ZNF746: variants seen among roughly 807,000 people sequenced by gnomAD.
ZNF746 encodes zinc finger protein 746.
Under a neutral mutation model 41.0 loss-of-function variants are expected in ZNF746, and 13 were observed. That is an observed-to-expected ratio of 0.32 (90% CI 0.21 to 0.50). The LOEUF is 0.50. Among genes scored for constraint, ZNF746 ranks in the 20% least tolerant of loss-of-function variants. ZNF746 has a pLI of 0.98. For missense variants in ZNF746, 811 were observed against 922.9 expected (o/e 0.88, Z 1.57); for synonymous variants, 424 against 396.2 (o/e 1.07, Z -0.83).
In ZNF746 at chr7:149,474,723, G is replaced by A; in HGVS notation, c.1644C>T (p.His548=). 3 of 1,611,458 alleles carry A rather than the reference G, an allele frequency of 1.9e-6. No homozygotes were observed. Among genetic ancestry groups the A allele is most frequent in the Non-Finnish European group, 2.5e-6 (3 of 1,179,480 alleles). ...PAHLIRHRML[H]TGERPFPCTE... is the part of the protein sequence containing the mutation. ...TGCAGGGGAAGGGCCGCTCGCCGGT[G>A]TGCAGCATGCGATGGCGGATGAGGT... Residue 548 remains histidine (H), a synonymous_variant, in exon 7 of 7, where the codon CAC becomes CAT. Transcript: ENST00000458143. The surrounding 1 kb of genome is among the most constrained non-coding windows in gnomAD (Gnocchi z 6.3).
chr7:149,497,245 G>A lies in ZNF746; in HGVS notation c.24+268C>T, dbSNP rs1217425752. On this transcript the variant is annotated intron_variant, in intron 1 of 6. Transcript: ENST00000458143. This position sits in a 1 kb window ranked among gnomAD's most constrained non-coding sequence, Gnocchi z 4.2. ...ACAGCGGCTGGGGCGGGGGCAGGAAGCCCCGGAGGGCCCAAAGAACTTGGC... is the reference window on the plus strand; with the variant it reads ...ACAGCGGCTGGGGCGGGGGCAGGAAACCCCGGAGGGCCCAAAGAACTTGGC... 9.8e-5 allele frequency: 96 copies of A among 984,196 alleles called. No individual in the cohort carries two copies. The highest frequency in any genetic ancestry group is 1.1e-4 in the Non-Finnish European group (94 of 828,974). 61.0% of individuals were successfully genotyped at this position (984,196 alleles called of 1,614,324 possible).
In ZNF746 at chr7:149,474,927, C is replaced by T. The variant is rs1235988287; in HGVS notation, c.1440G>A (p.Leu480=). 6.5e-7 allele frequency: 1 copy of T among 1,542,026 alleles called. No individual in the cohort carries two copies. Residue 480 remains leucine (L), a synonymous_variant, in exon 7 of 7, where the codon CTG becomes CTA. Coordinates refer to ENST00000458143, the MANE Select transcript of ZNF746 (RefSeq NM_001394198.1). The surrounding 1 kb of genome is among the most constrained non-coding windows in gnomAD (Gnocchi z 6.3). Reference sequence around the variant, plus strand: ...GCTGGTGCGCGCTCAGGCTGACTTGCAGCTGGAAGCTCTTCCCACACGTGG... The same window carrying T: ...GCTGGTGCGCGCTCAGGCTGACTTGTAGCTGGAAGCTCTTCCCACACGTGG... The part of the protein sequence containing the change: ...TCATCGKSFQ[L]QVSLSAHQRS...
Position 149,497,435 on chromosome 7 carries a change from C to A in ZNF746, c.24+78G>T. On this transcript the variant is annotated intron_variant, in intron 1 of 6. Coordinates refer to ENST00000458143, the MANE Select transcript of ZNF746 (RefSeq NM_001394198.1). This position sits in a 1 kb window ranked among gnomAD's most constrained non-coding sequence, Gnocchi z 4.2. ...CGGACCCCGGAACCCCTCCCCAGGG[C>A]CTGCGGCGCCGTGTGCCGGGGCCGG... The A allele has an allele frequency of 9.5e-7, 1 of 1,048,056 alleles. No individual in the cohort carries two copies. Among genetic ancestry groups the A allele is most frequent in the Non-Finnish European group, 1.1e-6 (1 of 870,518 alleles). 64.9% of individuals were successfully genotyped at this position (1,048,056 alleles called of 1,614,324 possible). A position where few individuals can be genotyped will look rare whatever the true frequency, so the allele number is the denominator to read the frequency against.
rs1019899505 is a variant in ZNF746, at chr7:149,472,894, G to A, written c.*1490C>T. The A allele has an allele frequency of 2.0e-5, 3 of 152,566 alleles. No homozygotes were observed. The highest frequency in any genetic ancestry group is 3.8e-4 in the East Asian group (2 of 5,200). 9.5% of individuals were successfully genotyped at this position (152,566 alleles called of 1,614,324 possible). Reference sequence around the variant, plus strand: ...AGTGTAAACAGGTACAAAATATACAGTACATAGAAACAATTTTCTTAACTA... The same window carrying A: ...AGTGTAAACAGGTACAAAATATACAATACATAGAAACAATTTTCTTAACTA... On this transcript the variant is annotated 3_prime_UTR_variant, in exon 7 of 7. Coordinates refer to ENST00000458143, the MANE Select transcript of ZNF746 (RefSeq NM_001394198.1).
At chr7:149,490,286 C>G (rs925563108) in intron 4 of ZNF746, 11 of 152,226 alleles carry the variant, frequency 7.2e-5, no homozygotes, top group African/African-American at 2.7e-4. Context: ...GTTTGCTGGC[C>G]CCTGGGCTAA....
chr7:149,488,781 G>A (rs1003876072), intron 4 of ZNF746: 2 of 152,344 alleles, frequency 1.3e-5, no homozygotes, highest in African/African-American at 2.4e-5. Flanking sequence ...CGGAAGAGAT[G>A]AAATCAAGCC....
rs1204111063 is a variant in ZNF746 at position 149,494,741 on chromosome 7, G to A, written c.25-238C>T. Among the ~76,000 whole-genome samples, 3 of 151,540 alleles carry A rather than the reference G, an allele frequency of 2.0e-5. No individual in the cohort carries two copies. The highest frequency in any genetic ancestry group is 2.9e-5 in the Non-Finnish European group (2 of 67,922). On this transcript the variant is annotated intron_variant, in intron 1 of 6. Coordinates refer to ENST00000458143, the MANE Select transcript of ZNF746 (RefSeq NM_001394198.1). This position sits in a 1 kb window ranked among gnomAD's most constrained non-coding sequence, Gnocchi z 5.6. ...GCAGCACAATGCAGACCCTTATCAC[G>A]GTGCTTATCACCCTACACAATAATT...
chr7:149,474,292 C>G lies in ZNF746; in HGVS notation c.*92G>C, dbSNP rs1389828980. On this transcript the variant is annotated 3_prime_UTR_variant, in exon 7 of 7. Coordinates refer to ENST00000458143, the MANE Select transcript of ZNF746 (RefSeq NM_001394198.1). This position sits in a 1 kb window ranked among gnomAD's most constrained non-coding sequence, Gnocchi z 6.3. ...ACTTGGACATTTGGTTCTCCCCGTC[C>G]CGCGTCTGCCTGAAGCTTCCACGCC... 2.8e-6 allele frequency: 4 copies of G among 1,439,124 alleles called. No individual in the cohort carries two copies. Among genetic ancestry groups the G allele is most frequent in the Non-Finnish European group, 2.8e-6 (3 of 1,058,860 alleles). 89.1% of individuals were successfully genotyped at this position (1,439,124 alleles called of 1,614,324 possible). A position where few individuals can be genotyped will look rare whatever the true frequency, so the allele number is the denominator to read the frequency against.
rs1471671471 is a variant in ZNF746 at position 149,475,007 on chromosome 7, G to A, written c.1360C>T (p.Pro454Ser). Residue 454 changes from proline to serine, a missense_variant, in exon 7 of 7, where the codon CCA becomes TCA. Around this residue, in one of 4 missense-constraint regions of ZNF746, gnomAD observed 495 missense variants for 481.6 expected, o/e 1.03. Coordinates refer to ENST00000458143, the MANE Select transcript of ZNF746 (RefSeq NM_001394198.1). The part of the protein sequence containing the change: ...PGRTKGFGHK[P>S]GLKKHPAAPP... Reference sequence around the variant, plus strand: ...GCCGCGGGGTGCTTCTTCAGCCCTGGCTTGTGGCCAAAGCCTTTGGTCCGG... The same window carrying A: ...GCCGCGGGGTGCTTCTTCAGCCCTGACTTGTGGCCAAAGCCTTTGGTCCGG... The A allele has an allele frequency of 2.6e-6, 4 of 1,550,782 alleles. No individual in the cohort carries two copies. The highest frequency in any genetic ancestry group is 3.5e-6 in the Non-Finnish European group (4 of 1,147,510).
chr7:149,476,199 A>G (rs915387931), intron 6 of ZNF746, among the ~76,000 whole-genome samples: 1 of 151,486 alleles, frequency 6.6e-6, no homozygotes, highest in African/African-American at 2.4e-5. Flanking sequence ...CTGTAGTCCC[A>G]GCTACTTGGG....
At chr7:149,481,037 T>C (rs1563251211) in intron 4 of ZNF746, among the ~76,000 whole-genome samples, 1 of 152,150 alleles carries the variant, frequency 6.6e-6, no homozygotes. Flanking sequence ...TCTAGACACA[T>C]TGTATTAAAA....
rs777411510 is a variant in ZNF746, at chr7:149,475,220, TCTC to T, written c.1144_1146del (p.Glu382del). The T allele has an allele frequency of 3.1e-6, 5 of 1,611,996 alleles. No homozygotes were observed. In the South Asian group the frequency reaches 5.5e-5, roughly 18 times the overall value. ...CCGAAGAGCCAGTCCCCAGGAGGGGTCTCCTCCTGGGCCACAGCAGGACTGAGC... is the reference window on the plus strand; with the variant it reads ...CCGAAGAGCCAGTCCCCAGGAGGGGTCTCCTGGGCCACAGCAGGACTGAGC... On this transcript the variant is annotated inframe_deletion, in exon 7 of 7. Transcript: ENST00000458143.
Position 149,474,942 on chromosome 7 carries a change from C to T in ZNF746, c.1425G>A (p.Gly475=), listed in dbSNP as rs749586979. The T allele has an allele frequency of 2.9e-5, 45 of 1,544,722 alleles. No individual in the cohort carries two copies. Among genetic ancestry groups the T allele is most frequent in the Non-Finnish European group, 3.9e-5 (45 of 1,146,498 alleles). ...GGCTGACTTGCAGCTGGAAGCTCTT[C>T]CCACACGTGGCGCAGGTGAAGGGCC... is the stretch of plus-strand genomic sequence containing the variant. ...GGRPFTCATC[G]KSFQLQVSLS... Residue 475 remains glycine (G), a synonymous_variant, in exon 7 of 7, where the codon GGG becomes GGA. Coordinates refer to ENST00000458143, the MANE Select transcript of ZNF746 (RefSeq NM_001394198.1). This position sits in a 1 kb window ranked among gnomAD's most constrained non-coding sequence, Gnocchi z 6.3.
chr7:149,484,797 T>C (rs1800575189), intron 4 of ZNF746, among the ~76,000 whole-genome samples: 1 of 152,158 alleles, frequency 6.6e-6, no homozygotes, highest in African/African-American at 2.4e-5. Flanking sequence ...GTTATTAGCA[T>C]TAATGAAAAT....
rs200631410 is a variant in ZNF746 at position 149,474,112 on chromosome 7, T to TAA, written c.*270_*271dup. Reference sequence around the variant, plus strand: ...ATTTTCCAGCTTTTTCCTCAAGAATTAAAAAAAAACAAAAAACAAAAAACA... The same window carrying TAA: ...ATTTTCCAGCTTTTTCCTCAAGAATTAAAAAAAAAAACAAAAAACAAAAAACA... On this transcript the variant is annotated 3_prime_UTR_variant, in exon 7 of 7. Coordinates refer to ENST00000458143, the MANE Select transcript of ZNF746 (RefSeq NM_001394198.1). The surrounding 1 kb of genome is among the most constrained non-coding windows in gnomAD (Gnocchi z 6.3). 12 of 477,872 alleles carry TAA rather than the reference T, an allele frequency of 2.5e-5. No homozygotes were observed. The highest frequency in any genetic ancestry group is 1.3e-4 in the South Asian group (5 of 39,396). The allele number at this position is 477,872 out of a possible 1,614,324, so 29.6% of individuals were successfully genotyped here.
intron 4 of ZNF746, among the ~76,000 whole-genome samples, chr7:149,483,088 C>A (rs1800527776): frequency 1.3e-5 from 2 of 152,164 alleles, no homozygotes; most frequent in African/African-American, 4.8e-5. Context: ...TTACACACTG[C>A]ATTTTCTAGC....
At chr7:149,477,984 A>G (rs1585723315) in intron 4 of ZNF746, 1 of 434,304 alleles carries the variant, frequency 2.3e-6, no homozygotes, top group South Asian at 5.6e-5. Flanking sequence ...GGGGGAGGGG[A>G]AGAATACACA....
chr7:149,479,448 A>T (rs997298137), intron 4 of ZNF746, among the ~76,000 whole-genome samples: 1 of 152,246 alleles, frequency 6.6e-6, no homozygotes, highest in East Asian at 1.9e-4. Flanking sequence ...GAACAAATTT[A>T]AAAAATAATC....
At position 149,474,726 on chromosome 7, in the gene ZNF746, C is replaced by T. The variant is rs759203584; in HGVS notation, c.1641G>A (p.Leu547=). ...RPAHLIRHRM[L]HTGERPFPCT... ...AGGGGAAGGGCCGCTCGCCGGTGTG[C>T]AGCATGCGATGGCGGATGAGGTGCG... Residue 547 remains leucine (L), a synonymous_variant, in exon 7 of 7, where the codon CTG becomes CTA. Coordinates refer to ENST00000458143, the MANE Select transcript of ZNF746 (RefSeq NM_001394198.1). The surrounding 1 kb of genome is among the most constrained non-coding windows in gnomAD (Gnocchi z 6.3). 2 of 1,610,690 alleles carry T rather than the reference C, an allele frequency of 1.2e-6. No individual in the cohort carries two copies. The highest frequency in any genetic ancestry group is 1.7e-6 in the Non-Finnish European group (2 of 1,179,330).
Sources: gnomAD v4.1 joint callset for allele counts (sites outside exome capture counted in the v4.1 genomes callset) on GRCh38, gnomAD v4.1.1 for gene constraint, gnomAD v4.1.1 regional missense constraint, Gnocchi (gnomAD v3.1) non-coding constraint, MANE v1.5 for transcripts, NCBI Gene and HGNC (gene_info 2026-07-23, HGNC 2026-07-21) for gene names.